Variants in LINGO2 observed in about 807,000 individuals in gnomAD.
LINGO2 encodes the protein leucine rich repeat and Ig domain containing 2.
Under a neutral mutation model 30.6 loss-of-function variants are expected in LINGO2, and 14 were observed. The observed-to-expected ratio is 0.46, with a 90% CI of 0.30 to 0.72. LINGO2 has a LOEUF of 0.72. LINGO2 is among the 30% of genes least tolerant of loss of function. The pLI, the probability that LINGO2 is intolerant of heterozygous loss-of-function variation, is 0.07. For missense variants in LINGO2, 729 were observed against 751.7 expected, an observed-to-expected ratio of 0.97 and a Z score of 0.35; for synonymous variants, 317 against 288.5, an observed-to-expected ratio of 1.10 and a Z score of -1.00.
chr9:28,771,504 TGTGA>T, the LINGO2 span, among the ~76,000 whole-genome samples: 1,600 of 74,082 alleles, frequency 0.022, 3 homozygotes, highest in East Asian at 0.029. Flanking sequence ...TGTGTGTGTG[TGTGA>T]GAGAGAGAGA....
At chr9:29,031,433 C>A in the LINGO2 span, among the ~76,000 whole-genome samples, 1 of 151,972 alleles carries the variant, frequency 6.6e-6, no homozygotes, top group Non-Finnish European at 1.5e-5. Flanking sequence ...CAGGTTCTTG[C>A]CACCATGCCT....
the LINGO2 span, among the ~76,000 whole-genome samples, chr9:28,796,036 G>T: frequency 2.3e-5 from 3 of 132,340 alleles, no homozygotes; most frequent in Non-Finnish European, 3.3e-5. Flanking sequence ...AAAAAAACCT[G>T]TGTGGGAATA....
At chr9:27,949,897 T>A (rs114390151) in exon 6 of LINGO2, 14 of 1,613,862 alleles carry the variant, frequency 8.7e-6, no homozygotes, top group African/African-American at 1.3e-5. Flanking sequence ...GACAGATTGG[T>A]GTTGGTGACT....
At chr9:28,867,270 A>G in the LINGO2 span, among the ~76,000 whole-genome samples, 1 of 152,306 alleles carries the variant, frequency 6.6e-6, no homozygotes, top group East Asian at 1.9e-4. Flanking sequence ...AAATAAAAAT[A>G]GAACAGGAAA....
At chr9:28,348,327 C>G (rs1205120656) in intron 3 of LINGO2, among the ~76,000 whole-genome samples, 1 of 152,138 alleles carries the variant, frequency 6.6e-6, no homozygotes, top group Non-Finnish European at 1.5e-5. Flanking sequence ...GAGGCATTGC[C>G]TCACTTGGGA....
chr9:29,026,831 AC>A, the LINGO2 span, among the ~76,000 whole-genome samples: 27 of 152,260 alleles, frequency 1.8e-4, no homozygotes, highest in Non-Finnish European at 3.4e-4. Context: ...TACCTTAACA[AC>A]CTCTATGAGC....
At chr9:28,619,427 T>C (rs1826290968) in intron 1 of LINGO2, among the ~76,000 whole-genome samples, 1 of 152,138 alleles carries the variant, frequency 6.6e-6, no homozygotes, top group South Asian at 2.1e-4. Context: ...TAACCACCTA[T>C]ATATGCTGAG....
chr9:28,863,485 G>A, the LINGO2 span: 1 of 361,970 alleles, frequency 2.8e-6, no homozygotes, highest in South Asian at 2.0e-5. Context: ...TTAACACTAA[G>A]CACCAAATAG....
chr9:28,007,071 G>A (rs7028286), intron 5 of LINGO2, among the ~76,000 whole-genome samples: 117,705 of 152,090 alleles, frequency 0.77, 46,798 homozygotes, highest in Admixed American at 0.86. Context: ...TTGCTTTTAA[G>A]CTGTTTCATA....
At chr9:28,065,151 A>C (rs916586992) in intron 4 of LINGO2, among the ~76,000 whole-genome samples, 22 of 151,760 alleles carry the variant, frequency 1.4e-4, no homozygotes, top group African/African-American at 5.3e-4. Context: ...TTGGAGTGGG[A>C]TTGGGAGAGA....
chr9:29,114,167 T>C, the LINGO2 span, among the ~76,000 whole-genome samples: 1 of 151,630 alleles, frequency 6.6e-6, no homozygotes, highest in Non-Finnish European at 1.5e-5. Context: ...TTTCTTCAGT[T>C]AATAATATAT....
At chr9:28,814,885 A>C in the LINGO2 span, among the ~76,000 whole-genome samples, 1 of 152,356 alleles carries the variant, frequency 6.6e-6, no homozygotes, top group African/African-American at 2.4e-5. Flanking sequence ...TCACTCAGGA[A>C]GAATCCATAA....
the LINGO2 span, among the ~76,000 whole-genome samples, chr9:29,126,691 G>GA: frequency 6.6e-6 from 1 of 151,918 alleles, no homozygotes; most frequent in Non-Finnish European, 1.5e-5. Context: ...AAGGGGGAAA[G>GA]AAAAAATACA....
chr9:29,048,807 A>C, the LINGO2 span, among the ~76,000 whole-genome samples: 1 of 152,228 alleles, frequency 6.6e-6, no homozygotes, highest in Admixed American at 6.5e-5. Context: ...TATATACAAA[A>C]ATCAAATCAA....
intron 3 of LINGO2, among the ~76,000 whole-genome samples, chr9:28,351,959 G>T (rs1301488944): frequency 6.6e-6 from 1 of 151,372 alleles, no homozygotes; most frequent in African/African-American, 2.4e-5. Flanking sequence ...AACCCTTCAT[G>T]CTAAAAACTC....
chr9:28,877,300 G>A, the LINGO2 span, among the ~76,000 whole-genome samples: 2 of 151,814 alleles, frequency 1.3e-5, no homozygotes, highest in Admixed American at 6.6e-5. Flanking sequence ...CATTGCTTTT[G>A]GTGTTTTAGA....
chr9:29,066,603 G>C, the LINGO2 span, among the ~76,000 whole-genome samples: 1 of 151,888 alleles, frequency 6.6e-6, no homozygotes, highest in African/African-American at 2.4e-5. Context: ...ATGGTAAAAT[G>C]CTTCCCTATA....
At chr9:29,137,948 A>T in the LINGO2 span, among the ~76,000 whole-genome samples, 1 of 152,098 alleles carries the variant, frequency 6.6e-6, no homozygotes, top group Non-Finnish European at 1.5e-5. Flanking sequence ...TTATATTATC[A>T]TGTAAAGTGC....
the LINGO2 span, among the ~76,000 whole-genome samples, chr9:29,146,094 T>C: frequency 6.6e-6 from 1 of 152,050 alleles, no homozygotes; most frequent in African/African-American, 2.4e-5. Flanking sequence ...TGGTAAGGTA[T>C]AAAAAAATGA....
Sources: allele counts gnomAD v4.1 joint callset (sites outside exome capture counted in the v4.1 genomes callset), GRCh38; gene constraint gnomAD v4.1.1; transcripts MANE v1.5; gene names NCBI Gene and HGNC (gene_info 2026-07-23, HGNC 2026-07-21).